FAM118B: variants seen among roughly 807,000 people sequenced by gnomAD.
The protein encoded by FAM118B is SIR2 antiphage like 1.
In FAM118B, 24 loss-of-function variants were observed where a neutral mutation model predicts 38.5. The observed-to-expected ratio is 0.62, with a 90% CI of 0.45 to 0.88. FAM118B has a LOEUF of 0.88. Among genes scored for constraint, FAM118B ranks in the 40% least tolerant of loss-of-function variants. The pLI is 0.00. For synonymous variants in FAM118B, 138 were observed against 156.3 expected, an observed-to-expected ratio of 0.88 and a Z score of 0.87; for missense variants, 334 against 420.0, an observed-to-expected ratio of 0.80 and a Z score of 1.79.
At chr11:126,230,738 C>T (rs1950198223) in intron 2 of FAM118B, among the ~76,000 whole-genome samples, 1 of 152,166 alleles carries the variant, frequency 6.6e-6, no homozygotes, top group Admixed American at 6.6e-5. Context: ...ATGCACTGGA[C>T]TTACAGGAGA....
intron 1 of FAM118B, among the ~76,000 whole-genome samples, chr11:126,227,038 C>T (rs1474210792): frequency 6.8e-6 from 1 of 147,128 alleles, no homozygotes; most frequent in East Asian, 2.0e-4. Flanking sequence ...AAATTGAATG[C>T]TCTCAAACAA....
intron 1 of FAM118B, among the ~76,000 whole-genome samples, chr11:126,216,604 C>T (rs1277625516): frequency 2.6e-5 from 4 of 152,172 alleles, no homozygotes; most frequent in African/African-American, 9.7e-5. Context: ...AATAAAGACC[C>T]AAACATTTCT....
At chr11:126,251,697 C>T (rs1160102328) in intron 5 of FAM118B, among the ~76,000 whole-genome samples, 3 of 150,518 alleles carry the variant, frequency 2.0e-5, no homozygotes, top group East Asian at 1.9e-4. Context: ...GTCTCTTGTC[C>T]GTTTCCTTTG....
At chr11:126,238,437 T>C (rs1565332580) in intron 3 of FAM118B, among the ~76,000 whole-genome samples, 1 of 152,200 alleles carries the variant, frequency 6.6e-6, no homozygotes, top group Non-Finnish European at 1.5e-5. Flanking sequence ...AGGTTTTTCA[T>C]CTCATACTGG....
Position 126,211,828 on chromosome 11 carries a change from T to C in FAM118B, c.-79T>C. On this transcript the variant is annotated splice_region_variant and 5_prime_UTR_variant, in exon 1 of 9. Transcript: ENST00000533050. ...TGGAGCAGTGGCGTTTGGAGGAGAC[T>C]CGGTGAGTGTGTAGGGAAGCCGGGC... The C allele has an allele frequency of 3.2e-6, 2 of 620,218 alleles. No individual in the cohort carries two copies. Among genetic ancestry groups the C allele is most frequent in the Non-Finnish European group, 5.6e-6 (2 of 356,906 alleles). The allele number at this position is 620,218 out of a possible 1,614,324, so 38.4% of individuals were successfully genotyped here.
At chr11:126,241,635 C>T (rs1004270120) in intron 4 of FAM118B, among the ~76,000 whole-genome samples, 7 of 151,896 alleles carry the variant, frequency 4.6e-5, no homozygotes, top group Non-Finnish European at 7.4e-5. Context: ...TGGCAGCCTC[C>T]GCCTCCTGGG....
chr11:126,216,448 A>G (rs1179208492), intron 1 of FAM118B, among the ~76,000 whole-genome samples: 1 of 152,178 alleles, frequency 6.6e-6, no homozygotes, highest in East Asian at 1.9e-4. Flanking sequence ...TTTAGAGGCA[A>G]CCACTCAGTT....
In FAM118B at chr11:126,256,544, T is replaced by C. The variant is rs563004014; in HGVS notation, c.697-23T>C. 491 of 1,608,964 alleles carry C rather than the reference T, an allele frequency of 3.1e-4. 2 individuals are homozygous for C. In the South Asian group the frequency reaches 4.9e-3, roughly 16 times the overall value. ...CTTGAGTGTGTCTTCACAATGTCAA[T>C]ATGTTGTATCTTTTCCTTCCAGAGA... is the stretch of plus-strand genomic sequence containing the variant. On this transcript the variant is annotated intron_variant, in intron 6 of 8. Transcript: ENST00000533050. The surrounding 1 kb of genome is among the most constrained non-coding windows in gnomAD (Gnocchi z 6.6).
chr11:126,231,119 G>A (rs1223853561), intron 2 of FAM118B, among the ~76,000 whole-genome samples: 1 of 152,114 alleles, frequency 6.6e-6, no homozygotes, highest in Non-Finnish European at 1.5e-5. Context: ...TAATGAGGTT[G>A]CTGTTACTTT....
At chr11:126,213,661 C>T (rs558040645) in intron 1 of FAM118B, among the ~76,000 whole-genome samples, 2 of 152,218 alleles carry the variant, frequency 1.3e-5, no homozygotes, top group South Asian at 4.1e-4. Context: ...GGTTTTGTGT[C>T]GGGGATGGGA....
intron 4 of FAM118B, among the ~76,000 whole-genome samples, chr11:126,243,468 TAA>T (rs112365928): frequency 2.4e-5 from 3 of 125,088 alleles, no homozygotes; most frequent in African/African-American, 3.0e-5. Context: ...TGTCTGCCTC[TAA>T]AAAAAAAAAA....
At chr11:126,241,558 A>AT (rs1159479386) in intron 4 of FAM118B, among the ~76,000 whole-genome samples, 440 of 151,100 alleles carry the variant, frequency 2.9e-3, no homozygotes, top group African/African-American at 9.9e-3. Flanking sequence ...TTATTTATTT[A>AT]TTTATTTTTT....
intron 4 of FAM118B, 60 bp downstream of exon 4, chr11:126,241,104 TA>T: frequency 6.7e-7 from 1 of 1,485,124 alleles, no homozygotes; most frequent in Non-Finnish European, 9.0e-7. Context: ...CTATCACAAC[TA>T]GCATGATTTG....
At position 126,256,693 on chromosome 11, in the gene FAM118B, T is replaced by G; in HGVS notation, c.823T>G (p.Phe275Val). The G allele has an allele frequency of 3.7e-6, 6 of 1,614,232 alleles. No individual in the cohort carries two copies. Among genetic ancestry groups the G allele is most frequent in the Non-Finnish European group, 5.1e-6 (6 of 1,180,044 alleles). ...AVKHKSDLEH[F>V]MLVRRGDVDE... ...CAAGCATAAATCTGACCTAGAACAT[T>G]TCATGCTGGTTCGGAGAGGAGACGT... Residue 275 changes from phenylalanine (F) to valine (V), a missense_variant, in exon 7 of 9, where the codon TTC becomes GTC. Phe to Val is a conservative substitution (Grantham distance 50, BLOSUM62 -1). This residue lies in a region of FAM118B where 88 missense variants were observed against 98.1 expected (regional missense o/e 0.90). Transcript: ENST00000533050. The surrounding 1 kb of genome is among the most constrained non-coding windows in gnomAD (Gnocchi z 6.6).
chr11:126,245,448 C>CT (rs1214581771), intron 4 of FAM118B, among the ~76,000 whole-genome samples: 4 of 152,108 alleles, frequency 2.6e-5, no homozygotes, highest in Non-Finnish European at 5.9e-5. Context: ...AGATCAGACA[C>CT]TGAAGGCACC....
intron 1 of FAM118B, among the ~76,000 whole-genome samples, chr11:126,220,831 C>T (rs1486300031): frequency 9.9e-5 from 15 of 150,866 alleles, no homozygotes; most frequent in Admixed American, 9.9e-4. Flanking sequence ...TTTTTAAGAG[C>T]TTTCAGATTC....
intron 1 of FAM118B, among the ~76,000 whole-genome samples, chr11:126,219,934 T>G (rs1434320187): frequency 6.6e-6 from 1 of 152,120 alleles, no homozygotes; most frequent in Non-Finnish European, 1.5e-5. Flanking sequence ...AAGGAAGAAT[T>G]TTTTTTAAAG....
intron 1 of FAM118B, among the ~76,000 whole-genome samples, chr11:126,224,673 C>G (rs1687323527): frequency 6.6e-6 from 1 of 151,992 alleles, no homozygotes; most frequent in South Asian, 2.1e-4. Flanking sequence ...TGTACAGATA[C>G]ATAGAGAAAG....
chr11:126,230,970 C>A (rs1382111298), intron 2 of FAM118B, among the ~76,000 whole-genome samples: 1 of 152,208 alleles, frequency 6.6e-6, no homozygotes, highest in African/African-American at 2.4e-5. Flanking sequence ...CATATTTCTT[C>A]TGGATTTTTT....
Sources: allele counts gnomAD v4.1 joint callset (sites outside exome capture counted in the v4.1 genomes callset), GRCh38; gene constraint gnomAD v4.1.1; regional missense constraint gnomAD v4.1.1; non-coding constraint Gnocchi (gnomAD v3.1); transcripts MANE v1.5; gene names NCBI Gene and HGNC (gene_info 2026-07-23, HGNC 2026-07-21).